VANGL1: variants seen among roughly 807,000 people sequenced by gnomAD.
VANGL1 encodes vang-like protein 1.
A neutral mutation model predicts 48.4 loss-of-function variants in VANGL1; 18 were observed. The observed-to-expected ratio is 0.37, with a 90% CI of 0.26 to 0.55. The LOEUF is 0.55. Among genes scored for constraint, VANGL1 ranks in the 20% least tolerant of loss-of-function variants. The pLI is 0.81. For missense variants in VANGL1, 667 were observed against 675.8 expected (o/e 0.99, Z 0.14); for synonymous variants, 257 against 261.8 (o/e 0.98, Z 0.18).
intron 1 of VANGL1, among the ~76,000 whole-genome samples, chr1:115,644,576 A>G (rs959139030): frequency 6.6e-6 from 1 of 152,192 alleles, no homozygotes; most frequent in Admixed American, 6.5e-5. Context: ...ATGCAAGGAT[A>G]CATGTGTGTG....
chr1:115,662,857 G>C (rs927159593), intron 3 of VANGL1, among the ~76,000 whole-genome samples: 1 of 150,436 alleles, frequency 6.6e-6, no homozygotes, highest in South Asian at 2.1e-4. Flanking sequence ...CACGATCTCA[G>C]CTCACTGCAA....
chr1:115,682,264 ATGT>A, intron 4 of VANGL1, 97 bp from the exon 5 acceptor site: 1 of 1,482,082 alleles, frequency 6.7e-7, no homozygotes, highest in Non-Finnish European at 9.2e-7. Flanking sequence ...ATTATCTTTG[ATGT>A]TGTGTTCCTT....
At position 115,694,094 on chromosome 1, in the gene VANGL1, T is replaced by G. The variant is rs1448108924; in HGVS notation, c.*2715T>G. The G allele has an allele frequency of 6.6e-6, 1 of 152,230 alleles. No homozygotes were observed. The allele number at this position is 152,230 out of a possible 1,614,324, so 9.4% of individuals were successfully genotyped here. ...ATGTACTTTTGAAGATAGGACAGTT[T>G]TTATAGTCCATGAACTGAATGTTAA... On this transcript the variant is annotated 3_prime_UTR_variant, in exon 8 of 8. Coordinates refer to ENST00000355485, the MANE Select transcript of VANGL1 (RefSeq NM_138959.3).
At chr1:115,664,739 C>T (rs926328627) in intron 4 of VANGL1, among the ~76,000 whole-genome samples, 4 of 152,072 alleles carry the variant, frequency 2.6e-5, no homozygotes, top group Admixed American at 6.6e-5. Context: ...TATGGTCATC[C>T]GAGGGACCCT....
At chr1:115,672,018 G>A (rs1456971668) in intron 4 of VANGL1, among the ~76,000 whole-genome samples, 2 of 152,240 alleles carry the variant, frequency 1.3e-5, no homozygotes, top group African/African-American at 4.8e-5. Flanking sequence ...GCTGAGACCA[G>A]AAGATCCAGG....
intron 1 of VANGL1, among the ~76,000 whole-genome samples, chr1:115,650,639 A>C (rs1652103866): frequency 6.6e-6 from 1 of 152,062 alleles, no homozygotes; most frequent in African/African-American, 2.4e-5. Flanking sequence ...TATAATGATC[A>C]TTTTAAACAT....
At chr1:115,672,823 C>A (rs1434405458) in intron 4 of VANGL1, among the ~76,000 whole-genome samples, 1 of 152,144 alleles carries the variant, frequency 6.6e-6, no homozygotes, top group East Asian at 1.9e-4. Context: ...CGTTCAGCGT[C>A]CAGGGGCTAA....
At chr1:115,646,066 T>C (rs1386761992) in intron 1 of VANGL1, among the ~76,000 whole-genome samples, 1 of 152,194 alleles carries the variant, frequency 6.6e-6, no homozygotes, top group Admixed American at 6.5e-5. Flanking sequence ...TGCTAAACAC[T>C]GTGTTTTCAT....
In VANGL1 at chr1:115,692,090, C is replaced by T. The variant is rs950888132; in HGVS notation, c.*711C>T. 2 of 153,636 alleles carry T rather than the reference C, an allele frequency of 1.3e-5. No individual in the cohort carries two copies. Among genetic ancestry groups the T allele is most frequent in the African/African-American group, 4.8e-5 (2 of 41,490 alleles). 9.5% of individuals were successfully genotyped at this position (153,636 alleles called of 1,614,324 possible). ...GCTGCCCACCTGGCCTCCATGCCAT[C>T]CTGCCCCCACCTGGCTGGCAGCCCT... On this transcript the variant is annotated 3_prime_UTR_variant, in exon 8 of 8. Coordinates refer to ENST00000355485, the MANE Select transcript of VANGL1 (RefSeq NM_138959.3).
Position 115,654,787 on chromosome 1 carries a change from G to A in VANGL1, c.71+3303G>A, listed in dbSNP as rs1269129902. Among the ~76,000 whole-genome samples the A allele has an allele frequency of 2.0e-5, 3 of 152,114 alleles. No homozygotes were observed. The South Asian group carries it at 6.2e-4, about 32-fold the overall frequency. ...GCCAGTTATGTTAACTGCTTTGGGGGTGTCTGCTAGGCCCCTCCCTCATAG... is the reference window on the plus strand; with the variant it reads ...GCCAGTTATGTTAACTGCTTTGGGGATGTCTGCTAGGCCCCTCCCTCATAG... On this transcript the variant is annotated intron_variant, in intron 2 of 7. Coordinates refer to ENST00000355485, the MANE Select transcript of VANGL1 (RefSeq NM_138959.3).
rs553196266 is a variant in VANGL1 at position 115,659,627 on chromosome 1, T to G, written c.72-14T>G. Reference sequence around the variant, plus strand: ...AACATGGCATAAATGTGCTAGCTCATTGTTGTTTTTCAGGGAAAGAACTAG... The same window carrying G: ...AACATGGCATAAATGTGCTAGCTCAGTGTTGTTTTTCAGGGAAAGAACTAG... On this transcript the variant is annotated splice_polypyrimidine_tract_variant and intron_variant, in intron 2 of 7. Coordinates refer to ENST00000355485, the MANE Select transcript of VANGL1 (RefSeq NM_138959.3). The G allele has an allele frequency of 1.2e-5, 20 of 1,613,710 alleles. No individual in the cohort carries two copies. In the African/African-American group the frequency reaches 1.3e-4, roughly 11 times the overall value.
intron 7 of VANGL1, among the ~76,000 whole-genome samples, chr1:115,688,007 T>C (rs1365696567): frequency 7.4e-6 from 1 of 134,632 alleles, no homozygotes; most frequent in African/African-American, 2.8e-5. Context: ...GATAGATACA[T>C]AGATAGATAC....
At chr1:115,688,083 T>G (rs1466828758) in intron 7 of VANGL1, among the ~76,000 whole-genome samples, 2 of 137,510 alleles carry the variant, frequency 1.5e-5, no homozygotes, top group African/African-American at 5.5e-5. Flanking sequence ...ATTTACATAC[T>G]ACATCTCTCT....
rs1261447940 is a variant in VANGL1 at position 115,694,099 on chromosome 1, A to C, written c.*2720A>C. The C allele has an allele frequency of 6.6e-6, 1 of 152,246 alleles. No homozygotes were observed. Among genetic ancestry groups the C allele is most frequent in the Non-Finnish European group, 1.5e-5 (1 of 68,048 alleles). The allele number at this position is 152,246 out of a possible 1,614,324, so 9.4% of individuals were successfully genotyped here. On this transcript the variant is annotated 3_prime_UTR_variant, in exon 8 of 8. Coordinates refer to ENST00000355485, the MANE Select transcript of VANGL1 (RefSeq NM_138959.3). ...CTTTTGAAGATAGGACAGTTTTTATAGTCCATGAACTGAATGTTAAAAAGT... is the reference window on the plus strand; with the variant it reads ...CTTTTGAAGATAGGACAGTTTTTATCGTCCATGAACTGAATGTTAAAAAGT...
intron 4 of VANGL1, among the ~76,000 whole-genome samples, chr1:115,669,959 T>A (rs1652914726): frequency 6.6e-6 from 1 of 152,196 alleles, no homozygotes; most frequent in African/African-American, 2.4e-5. Context: ...CCCCCCAAAT[T>A]CATATGTGGA....
At chr1:115,686,617 TTACTC>T (rs1173122061) in intron 7 of VANGL1, among the ~76,000 whole-genome samples, 2 of 152,114 alleles carry the variant, frequency 1.3e-5, no homozygotes, top group South Asian at 2.1e-4. Flanking sequence ...TGTGCACAAA[TTACTC>T]TACCCTCTAT....
At chr1:115,666,205 G>A (rs1003357811) in intron 4 of VANGL1, among the ~76,000 whole-genome samples, 9 of 152,140 alleles carry the variant, frequency 5.9e-5, no homozygotes, top group African/African-American at 2.2e-4. Flanking sequence ...TTGGCCCTTA[G>A]CCCTAGTTGG....
chr1:115,684,903 A>T (rs964234127), intron 6 of VANGL1, among the ~76,000 whole-genome samples: 5 of 152,112 alleles, frequency 3.3e-5, no homozygotes, highest in African/African-American at 1.2e-4. Flanking sequence ...CTTCTGCACC[A>T]CCAGCCACCT....
intron 1 of VANGL1, among the ~76,000 whole-genome samples, chr1:115,648,899 G>C (rs1652035126): frequency 6.6e-6 from 1 of 152,168 alleles, no homozygotes; most frequent in Non-Finnish European, 1.5e-5. Context: ...AGTTGTGAAG[G>C]GTTAATTATG....
Sources: allele counts gnomAD v4.1 joint callset (sites outside exome capture counted in the v4.1 genomes callset), GRCh38; gene constraint gnomAD v4.1.1; transcripts MANE v1.5; gene names NCBI Gene and HGNC (gene_info 2026-07-23, HGNC 2026-07-21).